XPO7: variants seen among roughly 807,000 people sequenced by gnomAD.
The protein encoded by XPO7 is exportin-7.
XPO7 carries 21 observed loss-of-function variants against 144.3 expected under a neutral mutation model. The observed-to-expected ratio is 0.15, with a 90% CI of 0.10 to 0.21. The LOEUF (loss-of-function observed/expected upper bound fraction) is 0.21, where lower values mean the gene tolerates loss of function less well. Ranked by LOEUF, XPO7 falls within the 10% of genes least tolerant of loss-of-function variation. XPO7 has a pLI of 1.00. For synonymous variants in XPO7, 580 were observed against 499.6 expected (o/e 1.16, Z -2.15); for missense variants, 808 against 1,325.8 (o/e 0.61, Z 6.06).
chr8:21,932,820 C>G (rs1479841039), intron 1 of XPO7, among the ~76,000 whole-genome samples: 1 of 152,102 alleles, frequency 6.6e-6, no homozygotes, highest in Non-Finnish European at 1.5e-5. Context: ...ATTGTTTATA[C>G]CTGTGATATA....
intron 6 of XPO7, among the ~76,000 whole-genome samples, chr8:21,975,197 T>A (rs1327953358): frequency 2.0e-5 from 3 of 152,232 alleles, no homozygotes; most frequent in Non-Finnish European, 4.4e-5. Context: ...GTTGTTAGCA[T>A]ACAGAAACCA....
chr8:21,981,685 G>A (rs1173219395), intron 9 of XPO7, 46 bp from the exon 10 acceptor site: 1 of 1,609,310 alleles, frequency 6.2e-7, no homozygotes, highest in Non-Finnish European at 8.5e-7. Context: ...CTTGAAGTAT[G>A]TTAAGGCACA....
At chr8:21,987,653 T>G (rs1490611524) in intron 14 of XPO7, 131 bp from the exon 15 acceptor site, 3 of 995,458 alleles carry the variant, frequency 3.0e-6, no homozygotes, top group East Asian at 2.6e-5. Flanking sequence ...AGCTTATCCC[T>G]TCAGTAAAGT....
At chr8:21,920,436 C>G (rs575590197) in intron 1 of XPO7, among the ~76,000 whole-genome samples, 1 of 152,158 alleles carries the variant, frequency 6.6e-6, no homozygotes. Flanking sequence ...CTCGCGTCCC[C>G]CTAGCCACAG....
intron 4 of XPO7, among the ~76,000 whole-genome samples, chr8:21,971,525 ATTG>A (rs1426822433): frequency 6.6e-6 from 1 of 152,094 alleles, no homozygotes; most frequent in Non-Finnish European, 1.5e-5. Context: ...TTCTTTGCTT[ATTG>A]TTTTATGCAT....
intron 24 of XPO7, among the ~76,000 whole-genome samples, chr8:22,001,261 G>A (rs1299672164): frequency 1.3e-5 from 2 of 151,358 alleles, no homozygotes; most frequent in African/African-American, 2.4e-5. Flanking sequence ...AGCCGAGATC[G>A]TGCCACTTCT....
rs1328084012 is a variant in XPO7 at position 21,974,543 on chromosome 8, A to G, written c.493-127A>G. The G allele has an allele frequency of 4.7e-6, 3 of 636,000 alleles. No individual in the cohort carries two copies. The African/African-American group carries it at 5.6e-5, about 12-fold the overall frequency. 39.4% of individuals were successfully genotyped at this position (636,000 alleles called of 1,614,324 possible). The stretch of plus-strand genomic sequence containing the variant: ...TAGATAGCGTTTCACAATAATTTAA[A>G]TGTTAAAAATGTATTTTATGTTTAT... On this transcript the variant is annotated intron_variant, in intron 5 of 27. Transcript: ENST00000252512.
At position 21,999,580 on chromosome 8, in the gene XPO7, C is replaced by T. The variant is rs368014718; in HGVS notation, c.2688C>T (p.Val896=). ...AGTCTTATTATTCACTACTGGAAGT[C>T]CTGACCCAGGACCATATGAACTTTA... ...LSQSYYSLLE[V]LTQDHMNFIA... Residue 896 remains valine (V), a synonymous_variant, in exon 24 of 28, where the codon GTC becomes GTT. Coordinates refer to ENST00000252512, the MANE Select transcript of XPO7 (RefSeq NM_015024.5). The T allele has an allele frequency of 4.3e-6, 7 of 1,614,020 alleles. No individual in the cohort carries two copies. Among genetic ancestry groups the T allele is most frequent in the Non-Finnish European group, 5.9e-6 (7 of 1,179,902 alleles).
Position 21,995,613 on chromosome 8 carries a change from A to T in XPO7, c.2345+14A>T. The T allele has an allele frequency of 6.4e-7, 1 of 1,567,734 alleles. No homozygotes were observed. Among genetic ancestry groups the T allele is most frequent in the Non-Finnish European group, 8.7e-7 (1 of 1,150,614 alleles). Reference sequence around the variant, plus strand: ...GGTTCATAATAGGTAAGCAGGAGGCAGAGCTTGCAAGGGCACATCTGCCCT... The same window carrying T: ...GGTTCATAATAGGTAAGCAGGAGGCTGAGCTTGCAAGGGCACATCTGCCCT... On this transcript the variant is annotated intron_variant, in intron 21 of 27. Transcript: ENST00000252512.
Position 21,999,204 on chromosome 8 carries a change from G to A in XPO7, c.2542G>A (p.Val848Ile), listed in dbSNP as rs771048569. 1.4e-5 allele frequency: 22 copies of A among 1,613,954 alleles called. No individual in the cohort carries two copies. Among genetic ancestry groups the A allele is most frequent in the Middle Eastern group, 1.7e-4 (1 of 6,054 alleles). ...GAAGGCTGCTCTCAGTGGGAGTTAC[G>A]TCAATTTCGGAGTCTTTCGTCTCTA... Reference protein sequence around the residue: ...MLKAALSGSYVNFGVFRLYGD... With the variant: ...MLKAALSGSYINFGVFRLYGD... The change falls in exon 23 of 28, where the codon GTC becomes ATC. Residue 848 changes from valine to isoleucine, a missense_variant. Physicochemically the swap from Val to Ile is conservative, Grantham distance 29 (BLOSUM62 3). Transcript: ENST00000252512.
In XPO7 at chr8:21,919,729, TGGG is replaced by T; in HGVS notation, c.-37_-35del. On this transcript the variant is annotated 5_prime_UTR_variant, in exon 1 of 28. Coordinates refer to ENST00000252512, the MANE Select transcript of XPO7 (RefSeq NM_015024.5). ...CAGCGGCTCCGGCCGAGGTGCGCGC[TGGG>T]GGGGAGGGGGGGCCGGAGAGGAGCA... 2 of 241,956 alleles carry T rather than the reference TGGG, an allele frequency of 8.3e-6. No individual in the cohort carries two copies. Among genetic ancestry groups the T allele is most frequent in the Non-Finnish European group, 1.4e-5 (2 of 142,680 alleles). The allele number at this position is 241,956 out of a possible 1,614,324, so 15.0% of individuals were successfully genotyped here. A position where few individuals can be genotyped will look rare whatever the true frequency, so the allele number is the denominator to read the frequency against.
chr8:21,920,383 C>G (rs1810236988), intron 1 of XPO7, among the ~76,000 whole-genome samples: 2 of 152,108 alleles, frequency 1.3e-5, no homozygotes, highest in Non-Finnish European at 2.9e-5. Context: ...GGCCGAGCTC[C>G]CCGGTCTTCC....
intron 9 of XPO7, among the ~76,000 whole-genome samples, chr8:21,981,258 A>G (rs1262049191): frequency 1.3e-5 from 2 of 152,256 alleles, no homozygotes; most frequent in African/African-American, 4.8e-5. Context: ...TAAGTGATAT[A>G]AATATATGAA....
At chr8:21,975,914 ATGG>A (rs889616814) in intron 6 of XPO7, among the ~76,000 whole-genome samples, 12 of 152,310 alleles carry the variant, frequency 7.9e-5, no homozygotes, top group African/African-American at 2.9e-4. Context: ...ATTTTTGGTG[ATGG>A]TGGTTGTAAA....
chr8:21,997,133 T>C (rs1001485132), intron 21 of XPO7, among the ~76,000 whole-genome samples: 1 of 152,130 alleles, frequency 6.6e-6, no homozygotes, highest in African/African-American at 2.4e-5. Flanking sequence ...AAAACAACCT[T>C]ATGGAGTGGG....
intron 1 of XPO7, among the ~76,000 whole-genome samples, chr8:21,920,765 G>A (rs893809767): frequency 4.8e-4 from 73 of 152,284 alleles, no homozygotes; most frequent in African/African-American, 1.7e-3. Flanking sequence ...CCATTGTGGG[G>A]AACCTTCCAA....
At chr8:21,935,910 T>G (rs1810806774) in intron 1 of XPO7, among the ~76,000 whole-genome samples, 1 of 152,204 alleles carries the variant, frequency 6.6e-6, no homozygotes, top group African/African-American at 2.4e-5. Flanking sequence ...CCTCATTTTT[T>G]GGTAGTTGCC....
At chr8:21,981,965 T>A (rs1585465617) in intron 10 of XPO7, 88 bp downstream of exon 10, 2 of 1,551,154 alleles carry the variant, frequency 1.3e-6, no homozygotes, top group Admixed American at 1.8e-5. Context: ...TATTTTTTTT[T>A]CTTGGCAAAG....
At chr8:21,989,724 T>A (rs10453141) in intron 16 of XPO7, among the ~76,000 whole-genome samples, 1 of 151,300 alleles carries the variant, frequency 6.6e-6, no homozygotes, top group Non-Finnish European at 1.5e-5. Context: ...TTGGAACCCC[T>A]GCTGAGAAAA....
Sources: allele counts gnomAD v4.1 joint callset (sites outside exome capture counted in the v4.1 genomes callset), GRCh38; gene constraint gnomAD v4.1.1; transcripts MANE v1.5; gene names NCBI Gene and HGNC (gene_info 2026-07-23, HGNC 2026-07-21).